MXRA8: variants seen among roughly 807,000 people sequenced by gnomAD.
MXRA8 encodes matrix remodeling-associated protein 8.
A neutral mutation model predicts 51.4 loss-of-function variants in MXRA8; 44 were observed. That is an observed-to-expected ratio of 0.86 (90% CI 0.67 to 1.10). The LOEUF (loss-of-function observed/expected upper bound fraction) is 1.10. Among genes scored for constraint, MXRA8 ranks in the 50% least tolerant of loss-of-function variants. The pLI is 0.00. For missense variants in MXRA8, 765 were observed against 638.9 expected (o/e 1.20, Z -2.13); for synonymous variants, 369 against 293.5 (o/e 1.26, Z -2.63).
chr1:1,359,539 G>A (rs1331427174), upstream of MXRA8: 12 of 985,140 alleles, frequency 1.2e-5, no homozygotes, highest in South Asian at 9.4e-5. Context: ...TACAGGCCCC[G>A]AGGGCCCCAG....
In MXRA8 at chr1:1,355,459, G is replaced by A; in HGVS notation, c.367C>T (p.Leu123Phe). 2.0e-6 allele frequency: 3 copies of A among 1,504,990 alleles called. No individual in the cohort carries two copies. The highest frequency in any genetic ancestry group is 2.2e-5 in the Admixed American group (1 of 45,118). 93.2% of individuals were successfully genotyped at this position (1,504,990 alleles called of 1,614,324 possible). A position where few individuals can be genotyped will look rare whatever the true frequency, so the allele number is the denominator to read the frequency against. Residue 123 changes from leucine (L) to phenylalanine (F), a missense_variant, in exon 3 of 10, where the codon CTC becomes TTC. Transcript: ENST00000309212. ...TCCCCGGTCCCCGCACCGCGGATGA[G>A]CAGCGAGAAGTTGCCGTCGTCGAAG... The part of the protein sequence containing the change: ...SAFDDGNFSL[L>F]IRAVEETDAG...
chr1:1,361,095 A>T (rs1433553052), upstream of MXRA8: 9 of 682,382 alleles, frequency 1.3e-5, no homozygotes, highest in Non-Finnish European at 1.9e-5. Flanking sequence ...CACACACGAC[A>T]CACATGGAGA....
intron 1 of MXRA8, 148 bp from the exon 2 acceptor site, chr1:1,356,852 C>T (rs915413127): frequency 4.9e-6 from 3 of 610,712 alleles, no homozygotes; most frequent in East Asian, 3.5e-5. Context: ...CTCACACAGA[C>T]CTACATAGCC....
chr1:1,360,093 G>A (rs1361951392), upstream of MXRA8, among the ~76,000 whole-genome samples: 1 of 152,218 alleles, frequency 6.6e-6, no homozygotes, highest in Non-Finnish European at 1.5e-5. Flanking sequence ...GTCTGGGAGG[G>A]CCCGGCTCTG....
In MXRA8 at chr1:1,355,651, TGC is replaced by T; in HGVS notation, c.173_174del (p.Arg58HisfsTer193). 7.0e-7 allele frequency: 1 copy of T among 1,434,406 alleles called. No homozygotes were observed. Among genetic ancestry groups the T allele is most frequent in the Non-Finnish European group, 9.1e-7 (1 of 1,097,812 alleles). 88.9% of individuals were successfully genotyped at this position (1,434,406 alleles called of 1,614,324 possible). The part of the protein sequence containing the change: ...ARAVLRCQSP[R>X]MVWTQDRLHD... ...TGCAGCCGGTCCTGGGTCCACACCATGCGCGGGCTCTGGCAGCGCAGCACCGC... is the reference window on the plus strand; with the variant it reads ...TGCAGCCGGTCCTGGGTCCACACCATGCGGGCTCTGGCAGCGCAGCACCGC... On this transcript the variant is annotated frameshift_variant, in exon 3 of 10. Transcript: ENST00000309212. LOFTEE classifies it high-confidence loss of function.
At chr1:1,356,378 G>A (rs1267331377) in intron 2 of MXRA8, among the ~76,000 whole-genome samples, 1 of 132,408 alleles carries the variant, frequency 7.6e-6, no homozygotes, top group Non-Finnish European at 1.6e-5. Flanking sequence ...AGACCCCGAA[G>A]GCCCTGGTTG....
Position 1,355,254 on chromosome 1 carries a change from G to C in MXRA8, c.468C>G (p.Val156=), listed in dbSNP as rs1427665833. 6.4e-7 allele frequency: 1 copy of C among 1,559,164 alleles called. No homozygotes were observed. Among genetic ancestry groups the C allele is most frequent in the Non-Finnish European group, 8.6e-7 (1 of 1,158,176 alleles). ...GGGGGAAGCACTCACGGCCGTCGGT[G>C]ACCTCCAGGCGGACGGCCAGGCTCT... ...LYESLAVRLE[V]TDGPPATPAY... is the part of the protein sequence containing the mutation. Residue 156 remains valine (V), a synonymous_variant, in exon 4 of 10, where the codon GTC becomes GTG. Coordinates refer to ENST00000309212, the MANE Select transcript of MXRA8 (RefSeq NM_032348.4).
chr1:1,362,715 A>T (rs1315923077), upstream of MXRA8, among the ~76,000 whole-genome samples: 1 of 146,190 alleles, frequency 6.8e-6, no homozygotes, highest in East Asian at 2.0e-4. Flanking sequence ...CGGGAGGTGG[A>T]GGTTGCAGTG....
In MXRA8 at chr1:1,352,722, T is replaced by C; in HGVS notation, c.*882A>G. On this transcript the variant is annotated 3_prime_UTR_variant, in exon 10 of 10. Coordinates refer to ENST00000309212, the MANE Select transcript of MXRA8 (RefSeq NM_032348.4). The stretch of plus-strand genomic sequence containing the variant: ...TCAGATGGGGACTTTATTGTGATGG[T>C]GGCAGGTCCACCAGCAGATGCAAAT... 6.2e-6 allele frequency: 1 copy of C among 162,214 alleles called. No homozygotes were observed. The allele number at this position is 162,214 out of a possible 1,614,324, so 10.0% of individuals were successfully genotyped here. A position where few individuals can be genotyped will look rare whatever the true frequency, so the allele number is the denominator to read the frequency against.
chr1:1,359,687 G>C, upstream of MXRA8: 1 of 612,154 alleles, frequency 1.6e-6, no homozygotes, highest in Non-Finnish European at 2.0e-6. Context: ...GGAACGGGCA[G>C]GACACGGACC....
Position 1,354,768 on chromosome 1 carries a change from T to A in MXRA8, c.863A>T (p.His288Leu), listed in dbSNP as rs779724735. The change falls in exon 5 of 10, where the codon CAC (histidine) becomes CTC (leucine). Residue 288 changes from histidine to leucine, a missense_variant. His to Leu is a moderately conservative substitution (Grantham distance 99). Coordinates refer to ENST00000309212, the MANE Select transcript of MXRA8 (RefSeq NM_032348.4). The part of the protein sequence containing the change: ...YCGLHERRVF[H>L]LTVAEPHAEP... ...CGCGTGGGGTTCGGCGACCGTCAGGTGGAAGACGCGGCGTTCGTGCAGGCC... is the reference window on the plus strand; with the variant it reads ...CGCGTGGGGTTCGGCGACCGTCAGGAGGAAGACGCGGCGTTCGTGCAGGCC... The A allele has an allele frequency of 6.8e-6, 11 of 1,611,176 alleles. No individual in the cohort carries two copies. The highest frequency in any genetic ancestry group is 1.3e-5 in the African/African-American group (1 of 74,800).
chr1:1,360,830 A>G (rs142373642), upstream of MXRA8, among the ~76,000 whole-genome samples: 6 of 152,288 alleles, frequency 3.9e-5, no homozygotes, highest in Non-Finnish European at 7.4e-5. Flanking sequence ...AGCCAAGCCC[A>G]TATTCACTCC....
Position 1,354,819 on chromosome 1 carries a change from G to A in MXRA8, c.812C>T (p.Ser271Phe), listed in dbSNP as rs762834201. 6 of 1,612,270 alleles carry A rather than the reference G, an allele frequency of 3.7e-6. 1 individual carries two copies. In the South Asian group the frequency reaches 5.5e-5, roughly 15 times the overall value. Residue 271 changes from serine to phenylalanine, a missense_variant, in exon 5 of 10, where the codon TCC (serine) becomes TTC (phenylalanine). Physicochemically the swap from Ser to Phe is radical, Grantham distance 155. Coordinates refer to ENST00000309212, the MANE Select transcript of MXRA8 (RefSeq NM_032348.4). Reference protein sequence around the residue: ...PLEVADEGTYSCHLHHHYCGL... With the variant: ...PLEVADEGTYFCHLHHHYCGL... The stretch of plus-strand genomic sequence containing the variant: ...ACAGTAATGGTGGTGCAGGTGGCAG[G>A]AGTAGGTGCCCTCGTCGGCGACCTC...
At chr1:1,358,578 C>A, upstream of MXRA8, 1 of 1,554,190 alleles carries the variant, frequency 6.4e-7, no homozygotes, top group East Asian at 2.3e-5. Flanking sequence ...CTACCCCCTC[C>A]CCCTCCTTAG....
chr1:1,353,618 C>G lies in MXRA8; in HGVS notation c.1315G>C (p.Glu439Gln). 1 of 1,563,010 alleles carries G rather than the reference C, an allele frequency of 6.4e-7. No homozygotes were observed. The highest frequency in any genetic ancestry group is 8.7e-7 in the Non-Finnish European group (1 of 1,152,914). ...YIDLDKGFRK[E>Q]NCK ...CCAGGGCCTCCCTATTTGCAGTTCT[C>G]CTTCCGGAACCCTGGAAGCCAAGGG... Residue 439 changes from glutamate to glutamine, a missense_variant, in exon 10 of 10, where the codon GAG becomes CAG. Physicochemically the swap from Glu to Gln is conservative, Grantham distance 29. Coordinates refer to ENST00000309212, the MANE Select transcript of MXRA8 (RefSeq NM_032348.4).
chr1:1,353,273 C>G lies in MXRA8; in HGVS notation c.*331G>C. On this transcript the variant is annotated 3_prime_UTR_variant, in exon 10 of 10. Coordinates refer to ENST00000309212, the MANE Select transcript of MXRA8 (RefSeq NM_032348.4). ...ACCCCAGTTTTGGGGCTGCCAGGTTCTGATGGGAGTGTCCTCCAGGAATGT... is the reference window on the plus strand; with the variant it reads ...ACCCCAGTTTTGGGGCTGCCAGGTTGTGATGGGAGTGTCCTCCAGGAATGT... The G allele has an allele frequency of 6.5e-7, 1 of 1,540,112 alleles. No individual in the cohort carries two copies.
chr1:1,358,843 G>C (rs1240708839), upstream of MXRA8: 6 of 1,092,214 alleles, frequency 5.5e-6, no homozygotes, highest in Non-Finnish European at 6.7e-6. Context: ...AGCCTCCCGG[G>C]CCTGTGGTGA....
upstream of MXRA8, among the ~76,000 whole-genome samples, chr1:1,360,980 G>T (rs537693736): frequency 4.2e-5 from 1 of 23,678 alleles, no homozygotes; most frequent in East Asian, 9.7e-4. Flanking sequence ...AGAGATACAC[G>T]GAAACACAGA....
chr1:1,360,502 G>GGGGGGGGGC (rs564906656), upstream of MXRA8, among the ~76,000 whole-genome samples: 1 of 146,328 alleles, frequency 6.8e-6, no homozygotes, highest in Admixed American at 6.9e-5. Flanking sequence ...CTGCTCGCTG[G>GGGGGGGGGC]GGGGTGGTCT....
Sources: gnomAD v4.1 joint callset for allele counts (sites outside exome capture counted in the v4.1 genomes callset) on GRCh38, gnomAD v4.1.1 for gene constraint, MANE v1.5 for transcripts, NCBI Gene and HGNC (gene_info 2026-07-23, HGNC 2026-07-21) for gene names.